CCDC73: variants seen among roughly 807,000 people sequenced by gnomAD.
The protein encoded by CCDC73 is coiled-coil domain containing 73, also known as coiled-coil domain-containing protein 73.
A neutral mutation model predicts 116.5 loss-of-function variants in CCDC73; 95 were observed. The ratio of observed to expected loss-of-function variants is 0.82; its 90% CI spans 0.69 to 0.97. The LOEUF is 0.97. CCDC73 is among the 50% of genes least tolerant of loss of function. The pLI is 0.00. For missense variants in CCDC73, 1,066 were observed against 1,206.8 expected (o/e 0.88, Z 1.73); for synonymous variants, 398 against 401.3 (o/e 0.99, Z 0.10).
chr11:32,635,785 A>G lies in CCDC73; in HGVS notation c.1096T>C (p.Ser366Pro). Reference protein sequence around the residue: ...GEINKIKNELSSLKETHIKLQ... With the variant: ...GEINKIKNELPSLKETHIKLQ... Reference sequence around the variant, plus strand: ...TTAATATGAGTTTCTTTAAGGGATGATAATTCATTTTTAATCTTATTAATT... The same window carrying G: ...TTAATATGAGTTTCTTTAAGGGATGGTAATTCATTTTTAATCTTATTAATT... The change falls in exon 14 of 18, where the codon TCA becomes CCA. Residue 366 changes from serine to proline, a missense_variant. Transcript: ENST00000335185. The G allele has an allele frequency of 8.0e-7, 1 of 1,249,334 alleles. No homozygotes were observed. Among genetic ancestry groups the G allele is most frequent in the Non-Finnish European group, 1.0e-6 (1 of 967,636 alleles). 77.4% of individuals were successfully genotyped at this position (1,249,334 alleles called of 1,614,324 possible).
At chr11:32,675,687 A>G (rs1365431526) in intron 8 of CCDC73, 43 bp from the exon 9 acceptor site, 14 of 1,434,468 alleles carry the variant, frequency 9.8e-6, no homozygotes, top group Admixed American at 4.2e-5. Flanking sequence ...TATTCAATGT[A>G]TATTTCAAAG....
At chr11:32,630,197 G>T (rs750524974) in intron 14 of CCDC73, among the ~76,000 whole-genome samples, 3 of 151,502 alleles carry the variant, frequency 2.0e-5, no homozygotes, top group African/African-American at 7.4e-5. Flanking sequence ...ATGTAGTATT[G>T]CAAGTTTCTT....
intron 13 of CCDC73, among the ~76,000 whole-genome samples, chr11:32,640,739 T>C (rs1009652155): frequency 6.6e-6 from 1 of 152,140 alleles, no homozygotes; most frequent in Non-Finnish European, 1.5e-5. Flanking sequence ...TAGTTCCGGC[T>C]GGGCGATGTG....
chr11:32,614,441 T>C lies in CCDC73; in HGVS notation c.1877A>G (p.Lys626Arg). The C allele has an allele frequency of 6.2e-7, 1 of 1,613,586 alleles. No homozygotes were observed. Among genetic ancestry groups the C allele is most frequent in the East Asian group, 2.2e-5 (1 of 44,824 alleles). Residue 626 changes from lysine (K) to arginine (R), a missense_variant, in exon 16 of 18, where the codon AAA (lysine) becomes AGA (arginine). Lys to Arg is a conservative substitution (Grantham distance 26). Transcript: ENST00000335185. ...ATCTAGAGACGAGTCCAAATCTGCTTTGGTTTGGTCACTATTTGTAATTTC... is the reference window on the plus strand; with the variant it reads ...ATCTAGAGACGAGTCCAAATCTGCTCTGGTTTGGTCACTATTTGTAATTTC... ...EKEITNSDQT[K>R]ADLDSSLDIK...
rs576542826 is a variant in CCDC73, at chr11:32,690,215, T to C, written c.391-6641A>G. On this transcript the variant is annotated intron_variant, in intron 6 of 17. Transcript: ENST00000335185. ...TAATTTTCACGTCACAAAATAACTC[T>C]TAAATTATAAGAAAAGAAAACACAC... Among the ~76,000 whole-genome samples, 3 of 152,260 alleles carry C rather than the reference T, an allele frequency of 2.0e-5. No individual in the cohort carries two copies. In the South Asian group the frequency reaches 6.2e-4, roughly 32 times the overall value.
chr11:32,676,184 T>C (rs1309428689), intron 7 of CCDC73, among the ~76,000 whole-genome samples, 163 bp from the exon 8 acceptor site: 1 of 152,250 alleles, frequency 6.6e-6, no homozygotes, highest in Non-Finnish European at 1.5e-5. Context: ...GGAGGAAATA[T>C]TTGTTAGGAG....
At chr11:32,816,847 G>C in the CCDC73 span, among the ~76,000 whole-genome samples, 1 of 151,974 alleles carries the variant, frequency 6.6e-6, no homozygotes, top group African/African-American at 2.4e-5. Flanking sequence ...TCAATGGCGC[G>C]ATCTCGGCTC....
At chr11:32,611,918 AT>A (rs1283390766) in intron 16 of CCDC73, among the ~76,000 whole-genome samples, 1 of 152,214 alleles carries the variant, frequency 6.6e-6, no homozygotes, top group Admixed American at 6.5e-5. Flanking sequence ...TTCAAAAAAA[AT>A]GGTAGATTTT....
At chr11:32,711,091 A>G (rs1321975718) in intron 3 of CCDC73, among the ~76,000 whole-genome samples, 1 of 152,222 alleles carries the variant, frequency 6.6e-6, no homozygotes, top group Admixed American at 6.5e-5. Context: ...CCACAATGTG[A>G]TACCACCTTA....
At chr11:32,798,030 A>T (rs1404091106), upstream of CCDC73, among the ~76,000 whole-genome samples, 1 of 152,220 alleles carries the variant, frequency 6.6e-6, no homozygotes, top group Non-Finnish European at 1.5e-5. Flanking sequence ...ATATTGTATA[A>T]AATCACCATC....
Position 32,760,199 on chromosome 11 carries a change from A to G in CCDC73, c.45T>C (p.Leu15=). 1 of 1,592,538 alleles carries G rather than the reference A, an allele frequency of 6.3e-7. No individual in the cohort carries two copies. Among genetic ancestry groups the G allele is most frequent in the Non-Finnish European group, 8.6e-7 (1 of 1,165,174 alleles). Residue 15 remains leucine (L), a synonymous_variant, in exon 2 of 18, where the codon CTT becomes CTC. Transcript: ENST00000335185. ...AAAACAATGTCTCTGAAGAACTTTG[A>G]AGAGTAAAAGTAGATGATGACTCAG... ...FNTESSSTFT[L]QSSSETLFSI... is the part of the protein sequence containing the mutation.
chr11:32,640,996 A>C (rs1409882246), intron 13 of CCDC73, among the ~76,000 whole-genome samples: 1 of 150,196 alleles, frequency 6.7e-6, no homozygotes, highest in Non-Finnish European at 1.5e-5. Context: ...AGCCTGGGGG[A>C]CAGAGTGAGA....
rs573148928 is a variant in CCDC73, at chr11:32,704,377, G to T, written c.208-1433C>A. On this transcript the variant is annotated intron_variant, in intron 3 of 17. Coordinates refer to ENST00000335185, the MANE Select transcript of CCDC73 (RefSeq NM_001008391.4). ...CTGATAGCCAAGCCTGGGCAATGTC[G>T]CAACCAGGACAAGTATGCGCACACT... 1.8e-4 allele frequency among the ~76,000 whole-genome samples: 28 copies of T among 152,338 alleles called. No individual in the cohort carries two copies. The South Asian group carries it at 5.8e-3, about 32-fold the overall frequency.
intron 3 of CCDC73, among the ~76,000 whole-genome samples, chr11:32,716,843 G>A (rs1051255013): frequency 5.9e-5 from 9 of 152,182 alleles, no homozygotes; most frequent in Non-Finnish European, 8.8e-5. Context: ...GATTACAGGC[G>A]TGAGCCACTG....
At chr11:32,661,650 T>C (rs1052736097) in intron 9 of CCDC73, among the ~76,000 whole-genome samples, 20 of 151,602 alleles carry the variant, frequency 1.3e-4, no homozygotes, top group African/African-American at 4.6e-4. Context: ...TATGGCTGCA[T>C]AGTATTCCGT....
At chr11:32,667,801 A>G (rs959758181) in intron 9 of CCDC73, among the ~76,000 whole-genome samples, 4 of 152,152 alleles carry the variant, frequency 2.6e-5, no homozygotes, top group African/African-American at 9.7e-5. Context: ...GCCATCTTGG[A>G]ACCACCCCCC....
chr11:32,716,639 A>G (rs528828080), intron 3 of CCDC73, among the ~76,000 whole-genome samples: 3 of 152,264 alleles, frequency 2.0e-5, no homozygotes, highest in Non-Finnish European at 2.9e-5. Flanking sequence ...ATAGCTCACT[A>G]CAGCCTCAAA....
intron 2 of CCDC73, among the ~76,000 whole-genome samples, chr11:32,732,463 T>G (rs1418263189): frequency 6.6e-6 from 1 of 151,958 alleles, no homozygotes; most frequent in African/African-American, 2.4e-5. Context: ...AGACACATAA[T>G]TGTCAGATTC....
intron 14 of CCDC73, among the ~76,000 whole-genome samples, chr11:32,628,168 A>C (rs1855594117): frequency 6.6e-6 from 1 of 152,194 alleles, no homozygotes; most frequent in African/African-American, 2.4e-5. Context: ...AATGAACTAC[A>C]AACAGGGAAA....
Sources: gnomAD v4.1 joint callset for allele counts (sites outside exome capture counted in the v4.1 genomes callset) on GRCh38, gnomAD v4.1.1 for gene constraint, MANE v1.5 for transcripts, NCBI Gene and HGNC (gene_info 2026-07-23, HGNC 2026-07-21) for gene names.